The following TICAM2 variants were observed in gnomAD, a reference collection of about 807,000 sequenced individuals.
The protein encoded by TICAM2 is TIR domain containing adaptor molecule 2, also known as TIR domain-containing adapter molecule 2.
TICAM2 carries 8 observed loss-of-function variants against 7.3 expected under a neutral mutation model. The observed-to-expected ratio is 1.10, with a 90% CI of 0.65 to 1.99. The LOEUF is 1.99. Among genes scored for constraint, TICAM2 ranks in the 30% most tolerant of loss-of-function variants. The pLI, the probability that TICAM2 is intolerant of heterozygous loss-of-function variation, is 0.00. For missense variants in TICAM2, 304 were observed against 278.8 expected, an observed-to-expected ratio of 1.09 and a Z score of -0.65; for synonymous variants, 113 against 99.6, an observed-to-expected ratio of 1.13 and a Z score of -0.80.
intron 1 of TICAM2, 36 bp from the exon 2 acceptor site, chr5:115,581,351 T>C (rs543202871): frequency 2.6e-6 from 4 of 1,536,708 alleles, no homozygotes; most frequent in South Asian, 2.4e-5. Context: ...ATATTATAAA[T>C]TTAATCAAAA....
chr5:115,598,900 T>C (rs934001166), intron 1 of TICAM2, among the ~76,000 whole-genome samples: 2 of 152,036 alleles, frequency 1.3e-5, no homozygotes, highest in African/African-American at 4.8e-5. Flanking sequence ...TTCATAAAGA[T>C]GAAAATATTG....
At chr5:115,586,619 T>C (rs1436519977) in intron 1 of TICAM2, among the ~76,000 whole-genome samples, 1 of 152,170 alleles carries the variant, frequency 6.6e-6, no homozygotes, top group African/African-American at 2.4e-5. Flanking sequence ...CCGATGAATG[T>C]AGCAATATTA....
intron 1 of TICAM2, among the ~76,000 whole-genome samples, chr5:115,594,551 A>G (rs1323588473): frequency 6.6e-6 from 1 of 152,220 alleles, no homozygotes; most frequent in African/African-American, 2.4e-5. Flanking sequence ...TATTCAACTT[A>G]CTAAGTTTTC....
At chr5:115,597,477 G>A (rs979395901) in intron 1 of TICAM2, among the ~76,000 whole-genome samples, 8 of 152,024 alleles carry the variant, frequency 5.3e-5, no homozygotes, top group African/African-American at 7.3e-5. Flanking sequence ...TCATATGATC[G>A]AATCCTATTA....
At chr5:115,582,322 A>AT (rs796347169) in intron 1 of TICAM2, among the ~76,000 whole-genome samples, 2,317 of 130,256 alleles carry the variant, frequency 0.018, 65 homozygotes, top group African/African-American at 0.059. Context: ...CACCTGGCTA[A>AT]TTTTTTTTTT....
At chr5:115,598,205 A>T (rs1755585422) in intron 1 of TICAM2, among the ~76,000 whole-genome samples, 1 of 152,194 alleles carries the variant, frequency 6.6e-6, no homozygotes, top group Non-Finnish European at 1.5e-5. Context: ...TTTCCATCTA[A>T]ATAGTATCTT....
chr5:115,586,084 T>C (rs1462200685), intron 1 of TICAM2, among the ~76,000 whole-genome samples: 1 of 152,208 alleles, frequency 6.6e-6, no homozygotes. Context: ...ATTTGGCCTT[T>C]ATCTTTGTAT....
At chr5:115,598,714 T>G (rs1755603997) in intron 1 of TICAM2, among the ~76,000 whole-genome samples, 1 of 152,176 alleles carries the variant, frequency 6.6e-6, no homozygotes, top group African/African-American at 2.4e-5. Flanking sequence ...AATCTTATAT[T>G]GGAAATATTT....
intron 1 of TICAM2, among the ~76,000 whole-genome samples, chr5:115,589,344 G>A (rs1755221739): frequency 6.6e-6 from 1 of 152,144 alleles, no homozygotes; most frequent in East Asian, 1.9e-4. Flanking sequence ...GAAACACATA[G>A]ACTATTCTTA....
rs536691881 is a variant in TICAM2 at position 115,587,024 on chromosome 5, T to C, written c.-59-5709A>G. ...GTGGAAGCAGCACTTGAAAAAACAC[T>C]GAGGTACCAGAGGGCAAAGACTGTA... On this transcript the variant is annotated intron_variant, in intron 1 of 1. Transcript: ENST00000427199. Among the ~76,000 whole-genome samples the C allele has an allele frequency of 4.6e-5, 7 of 152,156 alleles. No individual in the cohort carries two copies. In the East Asian group the frequency reaches 1.2e-3, roughly 25 times the overall value.
intron 1 of TICAM2, among the ~76,000 whole-genome samples, chr5:115,590,456 C>G (rs2127199417): frequency 6.6e-6 from 1 of 152,262 alleles, no homozygotes; most frequent in Non-Finnish European, 1.5e-5. Flanking sequence ...CTTCCCATAC[C>G]TGGATTCAGA....
rs1473141141 is a variant in TICAM2 at position 115,578,865 on chromosome 5, T to C, written c.*1684A>G. ...CGTTAAGGCTAAGAAAATGTCACTA[T>C]GCAATGAAAACCATCTCCTCCTCTA... On this transcript the variant is annotated 3_prime_UTR_variant, in exon 2 of 2. Transcript: ENST00000427199. 6.6e-6 allele frequency: 1 copy of C among 152,420 alleles called. No homozygotes were observed. 9.4% of individuals were successfully genotyped at this position (152,420 alleles called of 1,614,324 possible). A position where few individuals can be genotyped will look rare whatever the true frequency, so the allele number is the denominator to read the frequency against.
intron 1 of TICAM2, among the ~76,000 whole-genome samples, chr5:115,601,756 G>A (rs924943120): frequency 2.6e-5 from 4 of 152,240 alleles, no homozygotes; most frequent in African/African-American, 9.6e-5. Flanking sequence ...CACTGGCTCT[G>A]TGTGCCTGGC....
intron 1 of TICAM2, among the ~76,000 whole-genome samples, chr5:115,582,285 T>A (rs1754954282): frequency 6.6e-6 from 1 of 151,338 alleles, no homozygotes; most frequent in South Asian, 2.1e-4. Context: ...GCTTCTGGAG[T>A]AGCTGGGACT....
chr5:115,581,332 A>C lies in TICAM2; in HGVS notation c.-59-17T>G, dbSNP rs772196405. Reference sequence around the variant, plus strand: ...CTTTTCAATCTAAAAGAAGTAACAAAACAGAAGAATATTATAAATTTAATC... The same window carrying C: ...CTTTTCAATCTAAAAGAAGTAACAACACAGAAGAATATTATAAATTTAATC... On this transcript the variant is annotated splice_polypyrimidine_tract_variant and intron_variant, in intron 1 of 1. Coordinates refer to ENST00000427199, the MANE Select transcript of TICAM2 (RefSeq NM_021649.7). 1.1e-5 allele frequency: 17 copies of C among 1,577,216 alleles called. No homozygotes were observed. In the African/African-American group the frequency reaches 2.2e-4, roughly 20 times the overall value.
chr5:115,584,994 G>A (rs972410421), intron 1 of TICAM2, among the ~76,000 whole-genome samples: 15 of 152,100 alleles, frequency 9.9e-5, no homozygotes, highest in African/African-American at 2.7e-4. Flanking sequence ...GAATCATAGC[G>A]TACAAAAACA....
chr5:115,586,066 A>G (rs778768624), intron 1 of TICAM2, among the ~76,000 whole-genome samples: 2 of 152,180 alleles, frequency 1.3e-5, no homozygotes, highest in Non-Finnish European at 2.9e-5. Context: ...TCCAGCAGGG[A>G]GATGCATATT....
At chr5:115,596,130 C>T (rs1755501117) in intron 1 of TICAM2, among the ~76,000 whole-genome samples, 1 of 152,160 alleles carries the variant, frequency 6.6e-6, no homozygotes, top group African/African-American at 2.4e-5. Flanking sequence ...CAAGTGATCA[C>T]CAAGTCCTGT....
intron 1 of TICAM2, among the ~76,000 whole-genome samples, chr5:115,585,751 G>C (rs1006815514): frequency 2.1e-4 from 32 of 152,198 alleles, no homozygotes; most frequent in Admixed American, 2.0e-4. Context: ...GCAGAAGCCA[G>C]GGGAGGATTT....
Sources: gnomAD v4.1 joint callset for allele counts (sites outside exome capture counted in the v4.1 genomes callset) on GRCh38, gnomAD v4.1.1 for gene constraint, MANE v1.5 for transcripts, NCBI Gene and HGNC (gene_info 2026-07-23, HGNC 2026-07-21) for gene names.